Variants in LDAH observed in about 807,000 individuals in gnomAD.
LDAH encodes lipid droplet-associated hydrolase.
Under a neutral mutation model 29.6 loss-of-function variants are expected in LDAH, and 26 were observed. That is an observed-to-expected ratio of 0.88 (90% confidence interval 0.64 to 1.22). LDAH has a LOEUF of 1.22. LDAH is among the 50% of genes most tolerant of loss of function. The pLI, the probability that LDAH is intolerant of heterozygous loss-of-function variation, is 0.00. For missense variants in LDAH, 344 were observed against 387.3 expected, an observed-to-expected ratio of 0.89 and a Z score of 0.94; for synonymous variants, 117 against 133.0, an observed-to-expected ratio of 0.88 and a Z score of 0.83.
intron 3 of LDAH, among the ~76,000 whole-genome samples, chr2:20,776,900 T>C (rs1669861996): frequency 6.6e-6 from 1 of 152,182 alleles, no homozygotes; most frequent in Admixed American, 6.5e-5. Context: ...AGTACAAAGA[T>C]AAACGGGCTC....
chr2:20,691,214 G>A lies in LDAH; in HGVS notation c.787-4120C>T, dbSNP rs116394728. ...TTATTCTGAGACAGTCTTACTCTGG[G>A]CCCAGTCTAGAGTGCAGTGGTGTGA... On this transcript the variant is annotated intron_variant, in intron 6 of 6. Coordinates refer to ENST00000237822, the MANE Select transcript of LDAH (RefSeq NM_021925.4). 6.0e-3 allele frequency among the ~76,000 whole-genome samples: 909 copies of A among 152,244 alleles called. 10 individuals are homozygous for A. The highest frequency in any genetic ancestry group is 0.021 in the African/African-American group (869 of 41,522).
intron 6 of LDAH, among the ~76,000 whole-genome samples, chr2:20,690,106 G>A (rs1435230046): frequency 2.6e-5 from 4 of 152,180 alleles, no homozygotes; most frequent in African/African-American, 7.2e-5. Flanking sequence ...GAGAAGTCCA[G>A]CTTGATAAGC....
chr2:20,704,829 C>T (rs886243606), intron 5 of LDAH, among the ~76,000 whole-genome samples: 10 of 152,176 alleles, frequency 6.6e-5, no homozygotes, highest in African/African-American at 2.4e-4. Flanking sequence ...AAAATTCTTT[C>T]TTCAAAAATG....
At chr2:20,771,631 T>A (rs1219506326) in intron 4 of LDAH, among the ~76,000 whole-genome samples, 2 of 152,196 alleles carry the variant, frequency 1.3e-5, no homozygotes, top group African/African-American at 4.8e-5. Context: ...AGGTGTTTAA[T>A]GGGGGCTGGG....
At chr2:20,761,101 T>C (rs1170450821) in intron 4 of LDAH, among the ~76,000 whole-genome samples, 1 of 152,230 alleles carries the variant, frequency 6.6e-6, no homozygotes, top group Non-Finnish European at 1.5e-5. Flanking sequence ...TGGATGTATA[T>C]AGCTGCTAAC....
intron 4 of LDAH, among the ~76,000 whole-genome samples, chr2:20,747,774 C>A (rs1041513757): frequency 1.3e-5 from 2 of 152,102 alleles, no homozygotes; most frequent in African/African-American, 2.4e-5. Context: ...GTAGTGATAG[C>A]TTACTATTTT....
At chr2:20,694,669 G>A (rs1436714651) in intron 6 of LDAH, among the ~76,000 whole-genome samples, 1 of 152,200 alleles carries the variant, frequency 6.6e-6, no homozygotes. Context: ...TCCCGCCCGT[G>A]AACCCTGCTT....
In LDAH at chr2:20,737,608, G is replaced by A. The variant is rs146176073; in HGVS notation, c.703+2363C>T. 4.3e-3 allele frequency among the ~76,000 whole-genome samples: 654 copies of A among 152,232 alleles called. 1 individual carries two copies. The highest frequency in any genetic ancestry group is 6.2e-3 in the Non-Finnish European group (422 of 68,014). On this transcript the variant is annotated intron_variant, in intron 5 of 6. Coordinates refer to ENST00000237822, the MANE Select transcript of LDAH (RefSeq NM_021925.4). ...ATTTAGTCAACAACTGAAAACCAACGAGGGGAAGTAACTAAACAAAAGCCA... is the reference window on the plus strand; with the variant it reads ...ATTTAGTCAACAACTGAAAACCAACAAGGGGAAGTAACTAAACAAAAGCCA...
intron 5 of LDAH, among the ~76,000 whole-genome samples, chr2:20,722,306 G>C (rs1315102608): frequency 6.6e-6 from 1 of 151,230 alleles, no homozygotes; most frequent in Non-Finnish European, 1.5e-5. Context: ...CTTAAACCCG[G>C]GAGGCAGAGT....
At chr2:20,822,544 A>G (rs1270885713) in intron 1 of LDAH, among the ~76,000 whole-genome samples, 1 of 152,180 alleles carries the variant, frequency 6.6e-6, no homozygotes, top group Non-Finnish European at 1.5e-5. Context: ...AAGTGTTCCA[A>G]TCTGCATTCT....
At chr2:20,807,213 C>T (rs544496874) in intron 1 of LDAH, among the ~76,000 whole-genome samples, 112 of 151,950 alleles carry the variant, frequency 7.4e-4, no homozygotes, top group South Asian at 5.2e-3. Context: ...CCAACAGATA[C>T]AAAAAGAAAA....
chr2:20,737,044 T>C (rs1201629619), intron 5 of LDAH, among the ~76,000 whole-genome samples: 2 of 152,202 alleles, frequency 1.3e-5, no homozygotes, highest in Non-Finnish European at 2.9e-5. Context: ...AAAACATTGC[T>C]CCTTTCCTGG....
chr2:20,757,902 T>G (rs1223536861), intron 4 of LDAH, among the ~76,000 whole-genome samples: 1 of 152,182 alleles, frequency 6.6e-6, no homozygotes, highest in Non-Finnish European at 1.5e-5. Context: ...CTCTCAGACC[T>G]TTGGACTGAA....
At chr2:20,788,881 A>G in intron 3 of LDAH, 1 of 357,042 alleles carries the variant, frequency 2.8e-6, no homozygotes, top group South Asian at 3.9e-5. Flanking sequence ...CTCATTTTTT[A>G]TTTTTTGGAA....
intron 1 of LDAH, among the ~76,000 whole-genome samples, chr2:20,805,674 A>C (rs985588191): frequency 1.3e-5 from 2 of 152,148 alleles, no homozygotes; most frequent in Non-Finnish European, 2.9e-5. Context: ...TATTTTCTTA[A>C]ATATAGGTTT....
intron 2 of LDAH, among the ~76,000 whole-genome samples, chr2:20,799,524 A>G (rs1211657381): frequency 2.6e-5 from 4 of 152,088 alleles, no homozygotes; most frequent in Non-Finnish European, 5.9e-5. Context: ...GCTACTTTAT[A>G]CCAATACAAT....
chr2:20,685,049 G>T lies in LDAH; in HGVS notation c.*1854C>A. 1 of 1,150,146 alleles carries T rather than the reference G, an allele frequency of 8.7e-7. No individual in the cohort carries two copies. The highest frequency in any genetic ancestry group is 1.2e-6 in the Non-Finnish European group (1 of 860,762). 71.2% of individuals were successfully genotyped at this position (1,150,146 alleles called of 1,614,324 possible). A position where few individuals can be genotyped will look rare whatever the true frequency, so the allele number is the denominator to read the frequency against. On this transcript the variant is annotated 3_prime_UTR_variant, in exon 7 of 7. Coordinates refer to ENST00000237822, the MANE Select transcript of LDAH (RefSeq NM_021925.4). ...CCAACACAGAGATCAGGCCAGACCA[G>T]GTCAGAAATGCTGGTAAAACATTTA... is the stretch of plus-strand genomic sequence containing the variant.
chr2:20,704,484 A>G (rs1425391876), intron 5 of LDAH, among the ~76,000 whole-genome samples: 1 of 152,238 alleles, frequency 6.6e-6, no homozygotes, highest in Non-Finnish European at 1.5e-5. Context: ...ATAACCTATT[A>G]AAAATTATCC....
At chr2:20,683,061 A>G (rs1488987230), downstream of LDAH, among the ~76,000 whole-genome samples, 1 of 152,082 alleles carries the variant, frequency 6.6e-6, no homozygotes, top group Non-Finnish European at 1.5e-5. Context: ...TCTTTATAGA[A>G]CCCTTTATAG....
Sources: gnomAD v4.1 joint callset for allele counts (sites outside exome capture counted in the v4.1 genomes callset) on GRCh38, gnomAD v4.1.1 for gene constraint, MANE v1.5 for transcripts, NCBI Gene and HGNC (gene_info 2026-07-23, HGNC 2026-07-21) for gene names.